Variants in SKA1 observed in about 807,000 individuals in gnomAD.
The protein encoded by SKA1 is spindle and kinetochore associated complex subunit 1.
In SKA1, 20 loss-of-function variants were observed where a neutral mutation model predicts 31.8. The ratio of observed to expected loss-of-function variants is 0.63; its 90% CI spans 0.44 to 0.91. The LOEUF is 0.91. Among genes scored for constraint, SKA1 ranks in the 40% least tolerant of loss-of-function variants. The pLI is 0.00. For synonymous variants in SKA1, 88 were observed against 100.5 expected (o/e 0.88, Z 0.74); for missense variants, 253 against 298.2 (o/e 0.85, Z 1.12).
intron 4 of SKA1, 23 bp downstream of exon 4, chr18:50,382,249 T>C (rs1469580785): frequency 7.4e-7 from 1 of 1,353,992 alleles, no homozygotes; most frequent in African/African-American, 1.6e-5. Flanking sequence ...ATAATTATTC[T>C]TGCTATCTGG....
intron 4 of SKA1, among the ~76,000 whole-genome samples, chr18:50,384,438 A>G (rs2041285790): frequency 6.6e-6 from 1 of 152,108 alleles, no homozygotes; most frequent in African/African-American, 2.4e-5. Context: ...GACAGGAGCT[A>G]TATTAGTCGG....
chr18:50,377,906 A>C (rs1156851817), intron 2 of SKA1, among the ~76,000 whole-genome samples: 1 of 79,082 alleles, frequency 1.3e-5, no homozygotes, highest in Non-Finnish European at 2.6e-5. Context: ...GGAAAGTTAA[A>C]GCTAAAGGGA....
Position 50,380,138 on chromosome 18 carries a change from C to T in SKA1, c.101C>T (p.Thr34Ile), listed in dbSNP as rs2041251801. ...TTGTTTATAACAGGCCAGGAACCTA[C>T]CTTGAAAACTGTATTAAATAAAATA... is the stretch of plus-strand genomic sequence containing the variant. ...LSLRNCGQEP[T>I]LKTVLNKIGD... is the part of the protein sequence containing the mutation. Residue 34 changes from threonine (T) to isoleucine (I), a missense_variant, in exon 3 of 7, where the codon ACC (threonine) becomes ATC (isoleucine). Coordinates refer to ENST00000285116, the MANE Select transcript of SKA1 (RefSeq NM_145060.4). The T allele has an allele frequency of 1.3e-6, 2 of 1,532,286 alleles. No individual in the cohort carries two copies. The highest frequency in any genetic ancestry group is 1.4e-5 in the African/African-American group (1 of 69,248). 94.9% of individuals were successfully genotyped at this position (1,532,286 alleles called of 1,614,324 possible). A position where few individuals can be genotyped will look rare whatever the true frequency, so the allele number is the denominator to read the frequency against.
intron 5 of SKA1, among the ~76,000 whole-genome samples, chr18:50,388,884 C>T (rs2041332986): frequency 6.6e-6 from 1 of 152,086 alleles, no homozygotes; most frequent in Non-Finnish European, 1.5e-5. Flanking sequence ...TGGGGGGGCT[C>T]CCTAAACTGG....
intron 2 of SKA1, 27 bp downstream of exon 2, chr18:50,375,945 T>G (rs1383016346): frequency 7.1e-7 from 1 of 1,404,464 alleles, no homozygotes; most frequent in Non-Finnish European, 1.0e-6. Flanking sequence ...CCACTGACTT[T>G]GTATATACAA....
chr18:50,381,559 C>T (rs1013038343), intron 3 of SKA1, among the ~76,000 whole-genome samples: 1 of 152,060 alleles, frequency 6.6e-6, no homozygotes, highest in Admixed American at 6.6e-5. Flanking sequence ...TAACTTTAGT[C>T]CTGCTTTGTA....
In SKA1 at chr18:50,381,545, GACTTA is replaced by G. The variant is rs143070423; in HGVS notation, c.214-579_214-575del. Among the ~76,000 whole-genome samples the G allele has an allele frequency of 1.7e-3, 264 of 152,140 alleles. 2 individuals are homozygous for G. The highest frequency in any genetic ancestry group is 6.3e-3 in the African/African-American group (260 of 41,516). ...TCCCAAGATTAAAGTATTTGAGAAA[GACTTA>G]ACTTTAGTCCTGCTTTGTAATTGCA... On this transcript the variant is annotated intron_variant, in intron 3 of 6. Transcript: ENST00000285116.
chr18:50,381,089 C>T (rs766240207), intron 3 of SKA1, among the ~76,000 whole-genome samples: 18 of 152,316 alleles, frequency 1.2e-4, no homozygotes, highest in African/African-American at 3.9e-4. Flanking sequence ...AAACCAATAC[C>T]GGCATTTCAG....
intron 5 of SKA1, among the ~76,000 whole-genome samples, chr18:50,388,776 C>T (rs573498990): frequency 2.0e-5 from 3 of 152,044 alleles, no homozygotes; most frequent in Non-Finnish European, 4.4e-5. Context: ...CTTTTTCCTT[C>T]CTCTTGCTGA....
At chr18:50,382,316 C>G (rs1220110412) in intron 4 of SKA1, 90 bp downstream of exon 4, 2 of 713,674 alleles carry the variant, frequency 2.8e-6, no homozygotes, top group East Asian at 3.1e-5. Context: ...CATATACTTG[C>G]AGTTTTGTCA....
In SKA1 at chr18:50,387,433, C is replaced by G. The variant is rs150165757; in HGVS notation, c.449+2080C>G. 5.9e-3 allele frequency among the ~76,000 whole-genome samples: 902 copies of G among 152,270 alleles called. 8 individuals carry two copies. Among genetic ancestry groups the G allele is most frequent in the African/African-American group, 0.021 (869 of 41,560 alleles). The stretch of plus-strand genomic sequence containing the variant: ...GTTTTTAAAGTGGGTTGTTTGTTTT[C>G]TTGTCATTGAATTTTAAGAGTTCTT... On this transcript the variant is annotated intron_variant, in intron 5 of 6. Coordinates refer to ENST00000285116, the MANE Select transcript of SKA1 (RefSeq NM_145060.4).
chr18:50,382,525 G>C (rs1391868805), intron 4 of SKA1, among the ~76,000 whole-genome samples: 1 of 151,592 alleles, frequency 6.6e-6, no homozygotes, highest in Non-Finnish European at 1.5e-5. Flanking sequence ...TGACATTTTA[G>C]GCAGGTTAAT....
chr18:50,386,478 G>A (rs1275990382), intron 5 of SKA1, among the ~76,000 whole-genome samples: 1 of 152,100 alleles, frequency 6.6e-6, no homozygotes, highest in Non-Finnish European at 1.5e-5. Flanking sequence ...TTCTCATACC[G>A]CTTCTCCCCT....
In SKA1 at chr18:50,385,261, A is replaced by G. The variant is rs11538068; in HGVS notation, c.357A>G (p.Glu119=). 26,362 of 1,613,434 alleles carry G rather than the reference A, an allele frequency of 0.016. 1,938 individuals carry two copies. The African/African-American group carries it at 0.2, about 12-fold the overall frequency. The part of the protein sequence containing the change: ...DLDPEEPIKV[E]EPEPVKKPPK... ...ATCCTGAAGAACCAATCAAAGTTGAAGAACCTGAACCCGTAAAGAAGCCTC... is the reference window on the plus strand; with the variant it reads ...ATCCTGAAGAACCAATCAAAGTTGAGGAACCTGAACCCGTAAAGAAGCCTC... Residue 119 remains glutamate, a synonymous_variant, in exon 5 of 7, where the codon GAA becomes GAG. Coordinates refer to ENST00000285116, the MANE Select transcript of SKA1 (RefSeq NM_145060.4).
chr18:50,384,827 G>T, intron 4 of SKA1, among the ~76,000 whole-genome samples: 1 of 104,438 alleles, frequency 9.6e-6, no homozygotes, highest in Non-Finnish European at 1.7e-5. Context: ...TGCACAATGT[G>T]CACATGTACC....
At chr18:50,385,141 T>C in intron 4 of SKA1, 75 bp from the exon 5 acceptor site, 1 of 1,237,350 alleles carries the variant, frequency 8.1e-7, no homozygotes, top group Non-Finnish European at 1.1e-6. Flanking sequence ...TAATATTATT[T>C]TCAGTTGGGA....
At chr18:50,383,283 T>C (rs8096557) in intron 4 of SKA1, among the ~76,000 whole-genome samples, 44,478 of 152,104 alleles carry the variant, frequency 0.29, 6,787 homozygotes, top group Non-Finnish European at 0.36. Flanking sequence ...ACCACCTTTT[T>C]GTTTTTGAAA....
Position 50,380,237 on chromosome 18 carries a change from A to G in SKA1, c.200A>G (p.Asn67Ser). The change falls in exon 3 of 7, where the codon AAC (asparagine) becomes AGC (serine). Residue 67 changes from asparagine to serine, a missense_variant. Coordinates refer to ENST00000285116, the MANE Select transcript of SKA1 (RefSeq NM_145060.4). ...GAAATTCAGTATCAAGAACAAACCA[A>G]CAATTCACTCAAGGTAATGTTTCTC... ...ELEIQYQEQT[N>S]NSLKELCESL... is the part of the protein sequence containing the mutation. 1 of 1,546,570 alleles carries G rather than the reference A, an allele frequency of 6.5e-7. No individual in the cohort carries two copies. The highest frequency in any genetic ancestry group is 1.3e-5 in the South Asian group (1 of 79,694).
At chr18:50,392,072 A>C (rs771189213) in intron 6 of SKA1, 27 bp from the exon 7 acceptor site, 176 of 1,522,840 alleles carry the variant, frequency 1.2e-4, no homozygotes, top group Non-Finnish European at 7.6e-5. Flanking sequence ...GCCTTATAAA[A>C]ATTAGCACTA....
Sources: allele counts gnomAD v4.1 joint callset (sites outside exome capture counted in the v4.1 genomes callset), GRCh38; gene constraint gnomAD v4.1.1; transcripts MANE v1.5; gene names NCBI Gene and HGNC (gene_info 2026-07-23, HGNC 2026-07-21).